Variants in UBFD1 observed in about 807,000 individuals in gnomAD.
The protein encoded by UBFD1 is ubiquitin family domain containing 1.
In UBFD1, 12 loss-of-function variants were observed where a neutral mutation model predicts 35.1. The observed-to-expected ratio is 0.34, with a 90% CI of 0.22 to 0.55. UBFD1 has a LOEUF of 0.55. Among genes scored for constraint, UBFD1 ranks in the 20% least tolerant of loss-of-function variants. The pLI, the probability that UBFD1 is intolerant of heterozygous loss-of-function variation, is 0.89. For missense variants in UBFD1, 337 were observed against 410.8 expected (o/e 0.82, Z 1.55); for synonymous variants, 178 against 167.6 (o/e 1.06, Z -0.48).
intron 3 of UBFD1, chr16:23,559,937 T>A (rs1400185100): frequency 7.0e-7 from 1 of 1,431,360 alleles, no homozygotes; most frequent in Non-Finnish European, 9.3e-7. Flanking sequence ...GACCATGTGT[T>A]GAAAGGAATC....
rs751787413 is a variant in UBFD1, at chr16:23,562,267, C to T, written c.626C>T (p.Ala209Val). 3 of 1,613,662 alleles carry T rather than the reference C, an allele frequency of 1.9e-6. No individual in the cohort carries two copies. Among genetic ancestry groups the T allele is most frequent in the Non-Finnish European group, 2.5e-6 (3 of 1,179,818 alleles). Reference sequence around the variant, plus strand: ...GATGTGATGCCATCTGTTAAGGGGGCCCAGGTAAGGCGGATTTCTTTGTGA... The same window carrying T: ...GATGTGATGCCATCTGTTAAGGGGGTCCAGGTAAGGCGGATTTCTTTGTGA... ...PEDVMPSVKG[A>V]QERLPTVPLS... is the part of the protein sequence containing the mutation. Residue 209 changes from alanine to valine, a missense_variant, in exon 4 of 7, where the codon GCC (alanine) becomes GTC (valine). Physicochemically the swap from Ala to Val is moderately conservative, Grantham distance 64 (BLOSUM62 0). Around this residue, in one of 4 missense-constraint regions of UBFD1, gnomAD observed 71 missense variants for 149.6 expected, o/e 0.47. Coordinates refer to ENST00000395878, the MANE Select transcript of UBFD1 (RefSeq NM_019116.3).
chr16:23,570,672 A>G lies in UBFD1; in HGVS notation c.*82A>G. ...GAGGCCTGCAGCATCCCTGGATTTC[A>G]GAGTTCTGGAACTTTGTTCATAAAA... On this transcript the variant is annotated 3_prime_UTR_variant, in exon 7 of 7. Transcript: ENST00000395878. The G allele has an allele frequency of 8.6e-7, 1 of 1,159,424 alleles. No homozygotes were observed. The highest frequency in any genetic ancestry group is 1.3e-5 in the South Asian group (1 of 75,162). The allele number at this position is 1,159,424 out of a possible 1,614,324, so 71.8% of individuals were successfully genotyped here. A position where few individuals can be genotyped will look rare whatever the true frequency, so the allele number is the denominator to read the frequency against.
chr16:23,570,387 TTA>T, intron 6 of UBFD1, 91 bp from the exon 7 acceptor site: 2 of 895,544 alleles, frequency 2.2e-6, no homozygotes, highest in Non-Finnish European at 3.6e-6. Flanking sequence ...CCCTTTTTAA[TTA>T]ACTCACATCC....
rs1046608675 is a variant in UBFD1, at chr16:23,573,771, G to A, written c.*3181G>A. ...CCTCTTACTCTTACTTTAACCATGTGCCTGGAGGAGCCATTCTGGGCTCTT... is the reference window on the plus strand; with the variant it reads ...CCTCTTACTCTTACTTTAACCATGTACCTGGAGGAGCCATTCTGGGCTCTT... On this transcript the variant is annotated 3_prime_UTR_variant, in exon 7 of 7. Transcript: ENST00000395878. The A allele has an allele frequency of 2.1e-4, 32 of 152,598 alleles. No individual in the cohort carries two copies. Among genetic ancestry groups the A allele is most frequent in the African/African-American group, 7.5e-4 (31 of 41,422 alleles). 9.5% of individuals were successfully genotyped at this position (152,598 alleles called of 1,614,324 possible).
chr16:23,569,879 A>G (rs753306197), intron 6 of UBFD1, among the ~76,000 whole-genome samples: 1 of 152,230 alleles, frequency 6.6e-6, no homozygotes, highest in Non-Finnish European at 1.5e-5. Flanking sequence ...CTTTGGTTCA[A>G]CATAAGAATC....
At chr16:23,560,243 G>C (rs1965910508) in intron 3 of UBFD1, among the ~76,000 whole-genome samples, 1 of 152,072 alleles carries the variant, frequency 6.6e-6, no homozygotes, top group African/African-American at 2.4e-5. Flanking sequence ...TGTTCTTTTG[G>C]CTGCAAGAGA....
chr16:23,562,753 G>C, intron 5 of UBFD1, 23 bp downstream of exon 5: 1 of 1,605,188 alleles, frequency 6.2e-7, no homozygotes, highest in Non-Finnish European at 8.5e-7. Flanking sequence ...TCGCCTCCTT[G>C]CTGGCCCACT....
intron 3 of UBFD1, 192 bp downstream of exon 3, chr16:23,559,868 G>A: frequency 6.5e-7 from 1 of 1,533,608 alleles, no homozygotes; most frequent in Non-Finnish European, 8.7e-7. Context: ...TCATCTGGCG[G>A]GTCAGTGTGT....
intron 3 of UBFD1, among the ~76,000 whole-genome samples, chr16:23,561,349 A>C (rs1355465553): frequency 6.6e-6 from 1 of 152,118 alleles, no homozygotes; most frequent in Non-Finnish European, 1.5e-5. Context: ...CCTTCTATCC[A>C]TTCATTGTCC....
rs916407188 is a variant in UBFD1 at position 23,573,236 on chromosome 16, C to T, written c.*2646C>T. 4 of 152,108 alleles carry T rather than the reference C, an allele frequency of 2.6e-5. No individual in the cohort carries two copies. Among genetic ancestry groups the T allele is most frequent in the Non-Finnish European group, 4.4e-5 (3 of 68,032 alleles). The allele number at this position is 152,108 out of a possible 1,614,324, so 9.4% of individuals were successfully genotyped here. On this transcript the variant is annotated 3_prime_UTR_variant, in exon 7 of 7. Transcript: ENST00000395878. The stretch of plus-strand genomic sequence containing the variant: ...GGTGGATAAAGGAAGAGCTGGTTTC[C>T]GGAGAGTGACTGTAACAGCGTTGAC...
intron 5 of UBFD1, chr16:23,565,111 G>A (rs1330206239): frequency 6.6e-6 from 1 of 152,258 alleles, no homozygotes; most frequent in African/African-American, 2.4e-5. Flanking sequence ...AGTGTCATAA[G>A]CACTCATAAG....
chr16:23,567,989 T>C (rs1306488562), intron 6 of UBFD1, among the ~76,000 whole-genome samples: 7 of 152,212 alleles, frequency 4.6e-5, no homozygotes, highest in African/African-American at 1.7e-4. Context: ...CAAAGGGGCT[T>C]AAAATATGGT....
chr16:23,560,919 G>C (rs1299955914), intron 3 of UBFD1, among the ~76,000 whole-genome samples: 1 of 152,178 alleles, frequency 6.6e-6, no homozygotes, highest in Non-Finnish European at 1.5e-5. Context: ...GTATGAAATA[G>C]TGAAATGTGA....
At chr16:23,567,854 C>G (rs1966032152) in intron 6 of UBFD1, among the ~76,000 whole-genome samples, 1 of 152,240 alleles carries the variant, frequency 6.6e-6, no homozygotes, top group Non-Finnish European at 1.5e-5. Context: ...GTCCATCCCA[C>G]AGTGATGAAG....
chr16:23,558,258 CAG>C lies in UBFD1; in HGVS notation c.336_337del (p.Lys113AspfsTer17). On this transcript the variant is annotated frameshift_variant, in exon 2 of 7. Coordinates refer to ENST00000395878, the MANE Select transcript of UBFD1 (RefSeq NM_019116.3). LOFTEE classifies it high-confidence loss of function. ...PLDSTGSELK[Q>X]KIHSITGLPP... ...GGACAGCACAGGCTCCGAGCTGAAACAGAAGATCCACTCGATTACAGGTAATT... is the reference window on the plus strand; with the variant it reads ...GGACAGCACAGGCTCCGAGCTGAAACAAGATCCACTCGATTACAGGTAATT... The C allele has an allele frequency of 6.2e-7, 1 of 1,604,900 alleles. No individual in the cohort carries two copies. The highest frequency in any genetic ancestry group is 8.5e-7 in the Non-Finnish European group (1 of 1,175,992).
At position 23,574,341 on chromosome 16, in the gene UBFD1, T is replaced by C. The variant is rs1966125444; in HGVS notation, c.*3751T>C. The C allele has an allele frequency of 1.3e-5, 2 of 152,614 alleles. No homozygotes were observed. Among genetic ancestry groups the C allele is most frequent in the Admixed American group, 1.3e-4 (2 of 15,266 alleles). 9.5% of individuals were successfully genotyped at this position (152,614 alleles called of 1,614,324 possible). The stretch of plus-strand genomic sequence containing the variant: ...AAAGTGTAACCTTGAATAGCTGTCT[T>C]ATTGTTTATCCTGTAAGATTAGTCA... On this transcript the variant is annotated 3_prime_UTR_variant, in exon 7 of 7. Coordinates refer to ENST00000395878, the MANE Select transcript of UBFD1 (RefSeq NM_019116.3).
chr16:23,567,122 G>A, intron 6 of UBFD1, 53 bp downstream of exon 6: 1 of 1,545,098 alleles, frequency 6.5e-7, no homozygotes, highest in East Asian at 2.2e-5. Context: ...CACTTCACCT[G>A]GCAGGGAACA....
rs759076982 is a variant in UBFD1, at chr16:23,557,929, C to T, written c.26-21C>T. On this transcript the variant is annotated intron_variant, in intron 1 of 6. Coordinates refer to ENST00000395878, the MANE Select transcript of UBFD1 (RefSeq NM_019116.3). ...CCAAGCCCAGCCCGCGGCGAGCGCC[C>T]ACCCCCTAACCCCCTTGCAGGCATG... 3.8e-6 allele frequency: 5 copies of T among 1,310,676 alleles called. No individual in the cohort carries two copies. The South Asian group carries it at 1.2e-4, about 32-fold the overall frequency. 81.2% of individuals were successfully genotyped at this position (1,310,676 alleles called of 1,614,324 possible).
At chr16:23,566,664 G>A (rs919675518) in intron 5 of UBFD1, 5 of 209,316 alleles carry the variant, frequency 2.4e-5, no homozygotes, top group African/African-American at 6.9e-5. Flanking sequence ...GAGCCACCGC[G>A]CCTGGCCTTT....
Sources: allele counts gnomAD v4.1 joint callset (sites outside exome capture counted in the v4.1 genomes callset), GRCh38; gene constraint gnomAD v4.1.1; regional missense constraint gnomAD v4.1.1; transcripts MANE v1.5; gene names NCBI Gene and HGNC (gene_info 2026-07-23, HGNC 2026-07-21).